The following SPTLC3 variants were observed in gnomAD, a reference collection of about 807,000 sequenced individuals.
SPTLC3 encodes serine palmitoyltransferase long chain base subunit 3, also known as serine palmitoyltransferase 3.
Under a neutral mutation model 59.3 loss-of-function variants are expected in SPTLC3, and 36 were observed. That is an observed-to-expected ratio of 0.61 (90% CI 0.47 to 0.80). The LOEUF is 0.80. Among genes scored for constraint, SPTLC3 ranks in the 30% least tolerant of loss-of-function variants. The probability of loss-of-function intolerance (pLI) is 0.00; values close to 1 mark genes in which losing one functional copy is unlikely to be tolerated. For synonymous variants in SPTLC3, 257 were observed against 240.8 expected (o/e 1.07, Z -0.62); for missense variants, 625 against 685.1 (o/e 0.91, Z 0.98).
chr20:13,069,852 A>C (rs1032150649), intron 2 of SPTLC3, among the ~76,000 whole-genome samples: 1 of 152,232 alleles, frequency 6.6e-6, no homozygotes, highest in Non-Finnish European at 1.5e-5. Flanking sequence ...AAGATTCCTC[A>C]TAAAACCTAA....
At chr20:13,011,411 C>T (rs1246378633) in intron 1 of SPTLC3, among the ~76,000 whole-genome samples, 1 of 152,186 alleles carries the variant, frequency 6.6e-6, no homozygotes, top group Non-Finnish European at 1.5e-5. Context: ...ATCCTACCAG[C>T]CCCTCCAATG....
At chr20:13,096,329 T>G (rs959694189) in intron 6 of SPTLC3, among the ~76,000 whole-genome samples, 1 of 152,142 alleles carries the variant, frequency 6.6e-6, no homozygotes, top group African/African-American at 2.4e-5. Context: ...TGTACAAGAA[T>G]GTTCGTAGCA....
At chr20:13,152,240 T>G (rs2038665608) in intron 9 of SPTLC3, among the ~76,000 whole-genome samples, 1 of 152,190 alleles carries the variant, frequency 6.6e-6, no homozygotes, top group Non-Finnish European at 1.5e-5. Flanking sequence ...CTAATTTGGT[T>G]GTTGTGATGA....
intron 6 of SPTLC3, among the ~76,000 whole-genome samples, chr20:13,100,216 C>T (rs188167097): frequency 6.6e-6 from 1 of 152,266 alleles, no homozygotes; most frequent in East Asian, 1.9e-4. Context: ...CTCAGACCAT[C>T]ATAATAAACT....
At chr20:13,095,662 G>A (rs1989384666) in intron 6 of SPTLC3, among the ~76,000 whole-genome samples, 1 of 152,088 alleles carries the variant, frequency 6.6e-6, no homozygotes, top group Non-Finnish European at 1.5e-5. Flanking sequence ...TTTTTTCTGA[G>A]TTCCCCAGAT....
Position 13,091,092 on chromosome 20 carries a change from ATAAGC to A in SPTLC3, c.618_622del (p.Asp206GlufsTer10). 1 of 1,613,858 alleles carries A rather than the reference ATAAGC, an allele frequency of 6.2e-7. No homozygotes were observed. The highest frequency in any genetic ancestry group is 8.5e-7 in the Non-Finnish European group (1 of 1,179,804). ...GTAATTTTATGTGCAGGCACCTTGG[ATAAGC>A]ACAAGGAGTTGGAGGACCTTGTGGC... is the stretch of plus-strand genomic sequence containing the variant. On this transcript the variant is annotated frameshift_variant, in exon 5 of 12. Coordinates refer to ENST00000399002, the MANE Select transcript of SPTLC3 (RefSeq NM_018327.4). LOFTEE classifies it high-confidence loss of function.
intron 2 of SPTLC3, among the ~76,000 whole-genome samples, chr20:13,065,182 C>T (rs918413264): frequency 2.6e-5 from 4 of 151,232 alleles, no homozygotes; most frequent in Non-Finnish European, 5.9e-5. Flanking sequence ...TATTTAACTC[C>T]TCTAAACTTA....
intron 10 of SPTLC3, among the ~76,000 whole-genome samples, chr20:13,158,548 C>G (rs943691160): frequency 6.6e-6 from 1 of 152,192 alleles, no homozygotes; most frequent in Non-Finnish European, 1.5e-5. Flanking sequence ...AAGCACTTGA[C>G]TTGTTTCTCA....
chr20:13,081,716 C>G (rs1297497734), intron 4 of SPTLC3, among the ~76,000 whole-genome samples: 3 of 152,132 alleles, frequency 2.0e-5, no homozygotes, highest in Admixed American at 1.3e-4. Flanking sequence ...CAATGAACGT[C>G]CCAACTCCAA....
chr20:13,074,261 A>G (rs1236086981), intron 3 of SPTLC3, 88 bp from the exon 4 acceptor site: 51 of 1,534,432 alleles, frequency 3.3e-5, no homozygotes, highest in Non-Finnish European at 4.4e-5. Flanking sequence ...TTTTCTTCAT[A>G]GGAACCCAAG....
intron 1 of SPTLC3, among the ~76,000 whole-genome samples, chr20:13,009,711 A>AT (rs1336996214): frequency 6.6e-6 from 1 of 152,184 alleles, no homozygotes; most frequent in Non-Finnish European, 1.5e-5. Context: ...CTTTGCATAT[A>AT]TTTTTGTCCA....
intron 1 of SPTLC3, among the ~76,000 whole-genome samples, chr20:13,018,105 T>C (rs1005260960): frequency 2.7e-4 from 41 of 152,344 alleles, no homozygotes; most frequent in Non-Finnish European, 2.9e-4. Context: ...TTTGCTCCAA[T>C]TGATACTTCA....
Position 13,126,620 on chromosome 20 carries a change from G to T in SPTLC3, c.1182G>T (p.Ser394=), listed in dbSNP as rs777294407. Residue 394 remains serine (S), a synonymous_variant, in exon 9 of 12, where the codon TCG becomes TCT. Coordinates refer to ENST00000399002, the MANE Select transcript of SPTLC3 (RefSeq NM_018327.4). ...KDLVDYLRVH[S]HSAVYASSMS... ...TCGTGGATTATTTACGGGTTCACTC[G>T]CATAGTGCTGTTTATGCTTCATCCA... The T allele has an allele frequency of 6.2e-7, 1 of 1,613,650 alleles. No homozygotes were observed. Among genetic ancestry groups the T allele is most frequent in the Admixed American group, 1.7e-5 (1 of 59,978 alleles).
chr20:13,128,513 T>C (rs2038045170), intron 9 of SPTLC3, among the ~76,000 whole-genome samples: 1 of 152,082 alleles, frequency 6.6e-6, no homozygotes, highest in Non-Finnish European at 1.5e-5. Context: ...GTTACCAAGG[T>C]AAAAAGAAAG....
At position 13,164,585 on chromosome 20, in the gene SPTLC3, G is replaced by C. The variant is rs1023544450; in HGVS notation, c.1546-169G>C. 1.6e-5 allele frequency: 10 copies of C among 616,110 alleles called. No homozygotes were observed. The African/African-American group carries it at 1.9e-4, about 11-fold the overall frequency. The allele number at this position is 616,110 out of a possible 1,614,324, so 38.2% of individuals were successfully genotyped here. A position where few individuals can be genotyped will look rare whatever the true frequency, so the allele number is the denominator to read the frequency against. On this transcript the variant is annotated intron_variant, in intron 11 of 11. Transcript: ENST00000399002. ...AATTAGCATCTAACATTCCTCTAGG[G>C]TCTTAAACCACAACCTAATGGTACG... is the stretch of plus-strand genomic sequence containing the variant.
chr20:13,117,035 T>C (rs1205211137), intron 7 of SPTLC3, among the ~76,000 whole-genome samples: 1 of 152,200 alleles, frequency 6.6e-6, no homozygotes, highest in Non-Finnish European at 1.5e-5. Flanking sequence ...TTAAATAAAG[T>C]TCTGTGTCTT....
intron 1 of SPTLC3, among the ~76,000 whole-genome samples, chr20:13,017,671 G>A (rs1985601837): frequency 6.6e-6 from 1 of 152,120 alleles, no homozygotes; most frequent in African/African-American, 2.4e-5. Flanking sequence ...TGTATTTTAT[G>A]TGTGGCTCAA....
At chr20:13,117,818 C>A in intron 8 of SPTLC3, 93 bp downstream of exon 8, 2 of 1,158,146 alleles carry the variant, frequency 1.7e-6, no homozygotes, top group South Asian at 1.5e-5. Flanking sequence ...AGCTTCAATT[C>A]AGTTCACCAC....
In SPTLC3 at chr20:13,168,350, A is replaced by G. The variant is rs576529657; in HGVS notation, c.*3483A>G. On this transcript the variant is annotated 3_prime_UTR_variant, in exon 12 of 12. Transcript: ENST00000399002. ...AGGCATGTGCCACCAAGCATGGCTA[A>G]TTTTCTATTTTTAGTAGAGACAAGG... The G allele has an allele frequency of 1.3e-5, 2 of 151,932 alleles. No homozygotes were observed. The highest frequency in any genetic ancestry group is 4.8e-5 in the African/African-American group (2 of 41,410). 9.4% of individuals were successfully genotyped at this position (151,932 alleles called of 1,614,324 possible). A position where few individuals can be genotyped will look rare whatever the true frequency, so the allele number is the denominator to read the frequency against.
Sources: gnomAD v4.1 joint callset for allele counts (sites outside exome capture counted in the v4.1 genomes callset) on GRCh38, gnomAD v4.1.1 for gene constraint, MANE v1.5 for transcripts, NCBI Gene and HGNC (gene_info 2026-07-23, HGNC 2026-07-21) for gene names.